Variants in SBF2 observed in about 807,000 individuals in gnomAD.
The protein encoded by SBF2 is SET binding factor 2.
Under a neutral mutation model 225.2 loss-of-function variants are expected in SBF2, and 112 were observed. That is an observed-to-expected ratio of 0.50 (90% CI 0.43 to 0.58). SBF2 has a LOEUF of 0.58. Among genes scored for constraint, SBF2 ranks in the 20% least tolerant of loss-of-function variants. The pLI, the probability that SBF2 is intolerant of heterozygous loss-of-function variation, is 0.00. For synonymous variants in SBF2, 763 were observed against 773.3 expected (o/e 0.99, Z 0.22); for missense variants, 1,996 against 2,206.2 (o/e 0.90, Z 1.91).
chr11:9,895,813 A>G (rs767109825), intron 17 of SBF2, 130 bp downstream of exon 17: 31 of 733,038 alleles, frequency 4.2e-5, no homozygotes, highest in Admixed American at 2.3e-4. Context: ...ATGTTATAAT[A>G]AATATAACCG....
chr11:10,254,977 CATG>C (rs1041200313), intron 1 of SBF2, among the ~76,000 whole-genome samples: 24 of 121,360 alleles, frequency 2.0e-4, no homozygotes, highest in African/African-American at 6.7e-4. Context: ...ACCTGGAAGA[CATG>C]ATATTAAATT....
chr11:9,796,100 G>A, intron 32 of SBF2, 143 bp from the exon 33 acceptor site: 1 of 825,312 alleles, frequency 1.2e-6, no homozygotes, highest in South Asian at 1.5e-5. Context: ...CATAAGTAGA[G>A]ATGGGAAGGG....
chr11:9,860,233 T>C (rs1857619230), intron 17 of SBF2, among the ~76,000 whole-genome samples: 1 of 151,394 alleles, frequency 6.6e-6, no homozygotes, highest in African/African-American at 2.4e-5. Context: ...ATTGTTTCAG[T>C]AGCAGTACAC....
At chr11:10,226,535 T>G (rs1216687680) in intron 1 of SBF2, among the ~76,000 whole-genome samples, 3 of 147,032 alleles carry the variant, frequency 2.0e-5, no homozygotes, top group East Asian at 4.3e-4. Flanking sequence ...TGTGTCCATG[T>G]GTTCTCATTG....
At chr11:10,300,475 G>A (rs922256533) in intron 1 of SBF2, among the ~76,000 whole-genome samples, 4 of 151,270 alleles carry the variant, frequency 2.6e-5, no homozygotes, top group Non-Finnish European at 5.9e-5. Context: ...AGACCAGCGT[G>A]GGCAACATGA....
At position 9,787,662 on chromosome 11, in the gene SBF2, T is replaced by A. The variant is rs762493267; in HGVS notation, c.5009A>T (p.Asp1670Val). The change falls in exon 36 of 40, where the codon GAC (aspartate) becomes GTC (valine). Residue 1670 changes from aspartate (D) to valine (V), a missense_variant. Transcript: ENST00000256190. ...WQQLWERVTVDLKEEPRTDRS... is the reference protein window; with the variant it reads ...WQQLWERVTVVLKEEPRTDRS... Reference sequence around the variant, plus strand: ...ATCTGTTCTTGGTTCTTCTTTAAGGTCCACGGTTACCCTTTCCCACAGCTG... The same window carrying A: ...ATCTGTTCTTGGTTCTTCTTTAAGGACCACGGTTACCCTTTCCCACAGCTG... 1.9e-5 allele frequency: 30 copies of A among 1,614,080 alleles called. No individual in the cohort carries two copies. Among genetic ancestry groups the A allele is most frequent in the Non-Finnish European group, 2.2e-5 (26 of 1,180,020 alleles).
chr11:9,941,784 TAAGA>T (rs966500002), intron 16 of SBF2, among the ~76,000 whole-genome samples: 4 of 151,042 alleles, frequency 2.6e-5, no homozygotes, highest in Admixed American at 2.6e-4. Context: ...TGCCAGAAAA[TAAGA>T]AAGAAAAAAA....
intron 1 of SBF2, among the ~76,000 whole-genome samples, chr11:10,224,317 A>C (rs1224157852): frequency 6.6e-6 from 1 of 151,986 alleles, no homozygotes; most frequent in Non-Finnish European, 1.5e-5. Flanking sequence ...CATTTCCCTC[A>C]ATCTCTATTG....
chr11:10,262,633 T>C lies in SBF2; in HGVS notation c.55+31382A>G, dbSNP rs1188268670. Among the ~76,000 whole-genome samples, 3 of 152,186 alleles carry C rather than the reference T, an allele frequency of 2.0e-5. No individual in the cohort carries two copies. The East Asian group carries it at 5.8e-4, about 29-fold the overall frequency. On this transcript the variant is annotated intron_variant, in intron 1 of 39. Coordinates refer to ENST00000256190, the MANE Select transcript of SBF2 (RefSeq NM_030962.4). ...TGCTTTCTATGTATGTATAAATTAT[T>C]TTATTTTATAAACCGTAACTTCCAA...
intron 2 of SBF2, among the ~76,000 whole-genome samples, chr11:10,062,299 G>A (rs1950479415): frequency 6.6e-6 from 1 of 152,104 alleles, no homozygotes; most frequent in Admixed American, 6.6e-5. Context: ...TCATGACGAA[G>A]TCACCAAAAC....
intron 1 of SBF2, among the ~76,000 whole-genome samples, chr11:10,301,594 T>G (rs537116216): frequency 2.0e-5 from 3 of 152,368 alleles, no homozygotes; most frequent in Non-Finnish European, 4.4e-5. Flanking sequence ...GAGATAATTA[T>G]GCAATGCACT....
intron 26 of SBF2, 91 bp downstream of exon 26, chr11:9,839,406 AT>A: frequency 8.0e-7 from 1 of 1,255,300 alleles, no homozygotes; most frequent in South Asian, 1.2e-5. Flanking sequence ...ATTTTTATCT[AT>A]CTCAGGGCTA....
chr11:10,009,769 C>A (rs563235817), intron 6 of SBF2, among the ~76,000 whole-genome samples: 1 of 152,294 alleles, frequency 6.6e-6, no homozygotes, highest in East Asian at 1.9e-4. Flanking sequence ...TGGCTATATA[C>A]CCAGTAATGG....
intron 6 of SBF2, among the ~76,000 whole-genome samples, chr11:10,028,245 G>C (rs777503514): frequency 6.6e-6 from 1 of 150,566 alleles, no homozygotes; most frequent in Non-Finnish European, 1.5e-5. Context: ...ACTGACCTAA[G>C]GAAAAAAGGG....
intron 1 of SBF2, among the ~76,000 whole-genome samples, chr11:10,229,987 C>G (rs1958759509): frequency 6.6e-6 from 1 of 152,130 alleles, no homozygotes; most frequent in Non-Finnish European, 1.5e-5. Flanking sequence ...CTTTATGAAT[C>G]TGGGTGCTCC....
intron 2 of SBF2, among the ~76,000 whole-genome samples, chr11:10,089,441 T>C (rs970108844): frequency 6.6e-6 from 1 of 152,226 alleles, no homozygotes; most frequent in Non-Finnish European, 1.5e-5. Flanking sequence ...TCTTTCTTCT[T>C]GAATGCCTCC....
chr11:9,943,087 T>C (rs962076715), intron 16 of SBF2, among the ~76,000 whole-genome samples: 1 of 152,142 alleles, frequency 6.6e-6, no homozygotes, highest in African/African-American at 2.4e-5. Flanking sequence ...GTCACATATT[T>C]ATAGAAATCT....
chr11:10,164,369 T>C (rs10160247), intron 2 of SBF2, among the ~76,000 whole-genome samples: 14,642 of 152,178 alleles, frequency 0.096, 966 homozygotes, highest in East Asian at 0.29. Flanking sequence ...TATTAACTCT[T>C]CCTTCCAGAT....
intron 17 of SBF2, 36 bp from the exon 18 acceptor site, chr11:9,858,432 G>A: frequency 6.2e-7 from 1 of 1,607,998 alleles, no homozygotes; most frequent in Non-Finnish European, 8.5e-7. Flanking sequence ...TCATGGGGCT[G>A]GCAGAATTAT....
Sources: gnomAD v4.1 joint callset for allele counts (sites outside exome capture counted in the v4.1 genomes callset) on GRCh38, gnomAD v4.1.1 for gene constraint, MANE v1.5 for transcripts, NCBI Gene and HGNC (gene_info 2026-07-23, HGNC 2026-07-21) for gene names.